COL11A2: variants seen among roughly 807,000 people sequenced by gnomAD.
COL11A2 encodes the protein collagen alpha-2(XI) chain.
Under a neutral mutation model 273.4 loss-of-function variants are expected in COL11A2, and 116 were observed. That is an observed-to-expected ratio of 0.42 (90% CI 0.36 to 0.49). The LOEUF (loss-of-function observed/expected upper bound fraction) is 0.49, where lower values mean the gene tolerates loss of function less well. Among genes scored for constraint, COL11A2 ranks in the 20% least tolerant of loss-of-function variants. COL11A2 has a pLI of 0.00. For synonymous variants in COL11A2, 782 were observed against 864.2 expected (o/e 0.90, Z 1.67); for missense variants, 1,866 against 2,309.0 (o/e 0.81, Z 3.93).
At chr6:33,183,275 A>G (rs149741230) in intron 8 of COL11A2, among the ~76,000 whole-genome samples, 25 of 152,360 alleles carry the variant, frequency 1.6e-4, no homozygotes, top group Non-Finnish European at 2.6e-4. Flanking sequence ...AACAAACTGG[A>G]CAAACAGGAA....
At position 33,165,709 on chromosome 6, in the gene COL11A2, G is replaced by C; in HGVS notation, c.4590C>G (p.Thr1530=). The change falls in exon 63 of 66, where the codon ACC becomes ACG. Residue 1530 remains threonine (T), a synonymous_variant. Coordinates refer to ENST00000341947, the MANE Select transcript of COL11A2 (RefSeq NM_080680.3). The surrounding 1 kb of genome is among the most constrained non-coding windows in gnomAD (Gnocchi z 7.7). The part of the protein sequence containing the change: ...RLMQEDEAIP[T]GGAPGSPGGL... ...CCCCAGGACTGCCGGGGGCTCCCCC[G>C]GTCGGTATGGCCTCATCTTCCTGCA... The C allele has an allele frequency of 1.2e-6, 2 of 1,610,984 alleles. No individual in the cohort carries two copies. Among genetic ancestry groups the C allele is most frequent in the Non-Finnish European group, 1.7e-6 (2 of 1,179,968 alleles).
intron 1 of COL11A2, among the ~76,000 whole-genome samples, chr6:33,191,114 C>T (rs1200993475): frequency 6.6e-6 from 1 of 152,182 alleles, no homozygotes; most frequent in African/African-American, 2.4e-5. Context: ...TCTTAGCCAT[C>T]CCCCTGCCTC....
intron 43 of COL11A2, 59 bp downstream of exon 43, chr6:33,171,408 C>T: frequency 3.1e-6 from 5 of 1,605,842 alleles, no homozygotes; most frequent in Admixed American, 1.7e-5. Flanking sequence ...AGGGGTCATG[C>T]CCAGGTCAGC....
chr6:33,183,160 G>C (rs1771939776), intron 8 of COL11A2, among the ~76,000 whole-genome samples: 1 of 152,158 alleles, frequency 6.6e-6, no homozygotes, highest in Non-Finnish European at 1.5e-5. Flanking sequence ...GGGAATACTG[G>C]AAGATATGAG....
intron 11 of COL11A2, 152 bp from the exon 12 acceptor site, chr6:33,180,484 G>A: frequency 1.1e-6 from 1 of 934,600 alleles, no homozygotes; most frequent in Non-Finnish European, 1.6e-6. Flanking sequence ...AATTGAGGGT[G>A]AGAAACCAGA....
At position 33,192,316 on chromosome 6, in the gene COL11A2, G is replaced by A; in HGVS notation, c.-76C>T. ...GCTGGATGCCCTGAGGCTGACAGAA[G>A]ACAGGGAGCAGACTATGAGCCTCAG... On this transcript the variant is annotated 5_prime_UTR_variant, in exon 1 of 66. Coordinates refer to ENST00000341947, the MANE Select transcript of COL11A2 (RefSeq NM_080680.3). The A allele has an allele frequency of 7.2e-7, 1 of 1,386,134 alleles. No homozygotes were observed. Among genetic ancestry groups the A allele is most frequent in the South Asian group, 1.2e-5 (1 of 80,868 alleles). 85.9% of individuals were successfully genotyped at this position (1,386,134 alleles called of 1,614,324 possible).
Position 33,173,969 on chromosome 6 carries a change from C to T in COL11A2, c.2529+42G>A. 3 of 1,614,072 alleles carry T rather than the reference C, an allele frequency of 1.9e-6. No homozygotes were observed. Among genetic ancestry groups the T allele is most frequent in the African/African-American group, 1.3e-5 (1 of 74,988 alleles). Reference sequence around the variant, plus strand: ...GTTGTCAGAGAAACCCAAATGCCCCCCTCTGGACCTTGAGCCACCTGTTTC... The same window carrying T: ...GTTGTCAGAGAAACCCAAATGCCCCTCTCTGGACCTTGAGCCACCTGTTTC... On this transcript the variant is annotated intron_variant, in intron 33 of 65. Transcript: ENST00000341947. The surrounding 1 kb of genome is among the most constrained non-coding windows in gnomAD (Gnocchi z 6.3).
chr6:33,174,021 C>A lies in COL11A2; in HGVS notation c.2519G>T (p.Arg840Leu). The change falls in exon 33 of 66, where the codon CGG becomes CTG. Residue 840 changes from arginine (R) to leucine (L), a missense_variant. Physicochemically the swap from Arg to Leu is moderately radical, Grantham distance 102 (BLOSUM62 -2). Transcript: ENST00000341947. ...CTCCCCTGCACTCACCGTGGGGCCC[C>A]GTTCTCCCCGAGGCCCTGACTTCCC... ...LSGKSGPRGE[R>L]GPTGPRGQRG... is the part of the protein sequence containing the mutation. 1 of 1,613,978 alleles carries A rather than the reference C, an allele frequency of 6.2e-7. No individual in the cohort carries two copies. The highest frequency in any genetic ancestry group is 8.5e-7 in the Non-Finnish European group (1 of 1,179,988).
At chr6:33,180,202 G>T in intron 12 of COL11A2, 56 bp downstream of exon 12, 1 of 1,530,312 alleles carries the variant, frequency 6.5e-7, no homozygotes, top group Non-Finnish European at 9.0e-7. Flanking sequence ...TTGGTAACAT[G>T]ACACAATTCC....
chr6:33,167,220 G>A lies in COL11A2; in HGVS notation c.4176+44C>T, dbSNP rs753849434. 1.9e-6 allele frequency: 3 copies of A among 1,613,894 alleles called. No homozygotes were observed. Among genetic ancestry groups the A allele is most frequent in the South Asian group, 1.1e-5 (1 of 91,084 alleles). ...CTCCAGGGCTTCAGCTCTGTCCCAG[G>A]GCACTGCCCTCACCCCTCACTCAGC... On this transcript the variant is annotated intron_variant, in intron 57 of 65. Coordinates refer to ENST00000341947, the MANE Select transcript of COL11A2 (RefSeq NM_080680.3). This position sits in a 1 kb window ranked among gnomAD's most constrained non-coding sequence, Gnocchi z 6.1.
chr6:33,176,438 C>A lies in COL11A2; in HGVS notation c.2164G>T (p.Val722Phe). The A allele has an allele frequency of 1.2e-6, 2 of 1,612,498 alleles. No homozygotes were observed. Among genetic ancestry groups the A allele is most frequent in the Non-Finnish European group, 8.5e-7 (1 of 1,179,786 alleles). ...CCAGCCTGGTGGTCAGTTACCTTGA[C>A]CCCTCGAGGTCCTGGGTATCCTAGA... ...GPLGYPGPRG[V>F]KGVDGIRGLK... Residue 722 changes from valine to phenylalanine, a missense_variant, in exon 27 of 66, where the codon GTC (valine) becomes TTC (phenylalanine). By Grantham distance (50) the Val-to-Phe change is conservative. Coordinates refer to ENST00000341947, the MANE Select transcript of COL11A2 (RefSeq NM_080680.3). The surrounding 1 kb of genome is among the most constrained non-coding windows in gnomAD (Gnocchi z 4.9).
Position 33,167,815 on chromosome 6 carries a change from C to T in COL11A2, c.3998G>A (p.Gly1333Glu), listed in dbSNP as rs775202049. The T allele has an allele frequency of 6.2e-7, 1 of 1,612,726 alleles. No individual in the cohort carries two copies. The highest frequency in any genetic ancestry group is 1.3e-5 in the African/African-American group (1 of 74,878). Reference sequence around the variant, plus strand: ...GTCCCTCACCTTGGCTCCCTTCCCTCCTTGTCGCCCCTCGGAACCAGGCGA... The same window carrying T: ...GTCCCTCACCTTGGCTCCCTTCCCTTCTTGTCGCCCCTCGGAACCAGGCGA... ...AGSPGSEGRQ[G>E]GKGAKGDPGA... The change falls in exon 55 of 66, where the codon GGA becomes GAA. Residue 1333 changes from glycine (G) to glutamate (E), a missense_variant. Transcript: ENST00000341947. This position sits in a 1 kb window ranked among gnomAD's most constrained non-coding sequence, Gnocchi z 6.1.
Position 33,170,453 on chromosome 6 carries a change from A to C in COL11A2, c.3529-74T>G, listed in dbSNP as rs1419310048. On this transcript the variant is annotated intron_variant, in intron 47 of 65. Transcript: ENST00000341947. The surrounding 1 kb of genome is among the most constrained non-coding windows in gnomAD (Gnocchi z 4.3). ...GAGCATGAATGGTGGAGAGAGGAGG[A>C]GGAGCAGCCAGGCCAGGGAGTTGGC... 2.5e-5 allele frequency: 38 copies of C among 1,518,882 alleles called. No homozygotes were observed. Among genetic ancestry groups the C allele is most frequent in the Non-Finnish European group, 3.1e-5 (35 of 1,116,208 alleles). The allele number at this position is 1,518,882 out of a possible 1,614,324, so 94.1% of individuals were successfully genotyped here. A position where few individuals can be genotyped will look rare whatever the true frequency, so the allele number is the denominator to read the frequency against.
Position 33,167,780 on chromosome 6 carries a change from A to C in COL11A2, c.4014+19T>G. ...GAGGCGGAGGGGATGCTCCAGCACT[A>C]GGGCAGCCTGTCCCTCACCTTGGCT... is the stretch of plus-strand genomic sequence containing the variant. On this transcript the variant is annotated intron_variant, in intron 55 of 65. Coordinates refer to ENST00000341947, the MANE Select transcript of COL11A2 (RefSeq NM_080680.3). The surrounding 1 kb of genome is among the most constrained non-coding windows in gnomAD (Gnocchi z 6.1). 1.2e-6 allele frequency: 2 copies of C among 1,612,530 alleles called. No individual in the cohort carries two copies. Among genetic ancestry groups the C allele is most frequent in the East Asian group, 2.2e-5 (1 of 44,876 alleles).
At position 33,185,775 on chromosome 6, in the gene COL11A2, T is replaced by C; in HGVS notation, c.802A>G (p.Thr268Ala). Reference protein sequence around the residue: ...PQNQEPQSQPTESLYYDYEPP... With the variant: ...PQNQEPQSQPAESLYYDYEPP... ...TCGTAGTCATAGTAGAGAGACTCAG[T>C]GGGCTGGGATTGGGGGGTGGGCATA... The change falls in exon 6 of 66, where the codon ACT becomes GCT. Residue 268 changes from threonine to alanine, a missense_variant. Transcript: ENST00000341947. 1.7e-6 allele frequency: 2 copies of C among 1,154,898 alleles called. No homozygotes were observed. Among genetic ancestry groups the C allele is most frequent in the Non-Finnish European group, 2.2e-6 (2 of 890,476 alleles). 71.5% of individuals were successfully genotyped at this position (1,154,898 alleles called of 1,614,324 possible). A position where few individuals can be genotyped will look rare whatever the true frequency, so the allele number is the denominator to read the frequency against.
At position 33,179,090 on chromosome 6, in the gene COL11A2, C is replaced by T. The variant is rs1771339962; in HGVS notation, c.1594G>A (p.Gly532Ser). Residue 532 changes from glycine (G) to serine (S), a missense_variant, in exon 16 of 66, where the codon GGC becomes AGC. Coordinates refer to ENST00000341947, the MANE Select transcript of COL11A2 (RefSeq NM_080680.3). This position sits in a 1 kb window ranked among gnomAD's most constrained non-coding sequence, Gnocchi z 6.4. Reference protein sequence around the residue: ...RGPQGLTGPPGKAGRRGRAGA... With the variant: ...RGPQGLTGPPSKAGRRGRAGA... ...GCACTCACCCTTCGCCCAGCCTTGC[C>T]AGGAGGGCCTGTGAGGCCCTGAGGT... 6.2e-7 allele frequency: 1 copy of T among 1,613,732 alleles called. No homozygotes were observed. The highest frequency in any genetic ancestry group is 1.3e-5 in the African/African-American group (1 of 74,908).
At chr6:33,184,922 A>G in intron 7 of COL11A2, 70 bp downstream of exon 7, 1 of 1,324,624 alleles carries the variant, frequency 7.5e-7, no homozygotes, top group South Asian at 1.3e-5. Context: ...TCAAGACGTC[A>G]TGGGCTGAGG....
Position 33,178,873 on chromosome 6 carries a change from C to T in COL11A2, c.1665+47G>A, listed in dbSNP as rs760756896. ...ATCCCCAAGAAACAACTGAGCCCAGCGTGGGCTGAAGGCTACAGGCTTCAG... is the reference window on the plus strand; with the variant it reads ...ATCCCCAAGAAACAACTGAGCCCAGTGTGGGCTGAAGGCTACAGGCTTCAG... On this transcript the variant is annotated intron_variant, in intron 17 of 65. Transcript: ENST00000341947. The surrounding 1 kb of genome is among the most constrained non-coding windows in gnomAD (Gnocchi z 4.6). 22 of 1,612,036 alleles carry T rather than the reference C, an allele frequency of 1.4e-5. No homozygotes were observed. Among genetic ancestry groups the T allele is most frequent in the Middle Eastern group, 1.7e-4 (1 of 6,048 alleles).
chr6:33,164,940 T>C lies in COL11A2; in HGVS notation c.4775A>G (p.Gln1592Arg), dbSNP rs1267049390. Residue 1592 changes from glutamine to arginine, a missense_variant, in exon 64 of 66, where the codon CAG becomes CGG. Physicochemically the swap from Gln to Arg is conservative, Grantham distance 43. Coordinates refer to ENST00000341947, the MANE Select transcript of COL11A2 (RefSeq NM_080680.3). The surrounding 1 kb of genome is among the most constrained non-coding windows in gnomAD (Gnocchi z 4.7). ...TCGGAAGGCATCCCGAGCACAGCCC[T>C]GGTTGGGGTCGACCCAGTACTCTCC... is the stretch of plus-strand genomic sequence containing the variant. ...PDGEYWVDPN[Q>R]GCARDAFRVF... The C allele has an allele frequency of 6.3e-7, 1 of 1,578,456 alleles. No individual in the cohort carries two copies. The highest frequency in any genetic ancestry group is 8.6e-7 in the Non-Finnish European group (1 of 1,160,692).
Sources: allele counts gnomAD v4.1 joint callset (sites outside exome capture counted in the v4.1 genomes callset), GRCh38; gene constraint gnomAD v4.1.1; non-coding constraint Gnocchi (gnomAD v3.1); transcripts MANE v1.5; gene names NCBI Gene and HGNC (gene_info 2026-07-23, HGNC 2026-07-21).